Variants in ADAMTS19 observed in about 807,000 individuals in gnomAD.
ADAMTS19 encodes ADAM metallopeptidase with thrombospondin type 1 motif 19, also known as A disintegrin and metalloproteinase with thrombospondin motifs 19.
Under a neutral mutation model 153.3 loss-of-function variants are expected in ADAMTS19, and 93 were observed. The ratio of observed to expected loss-of-function variants is 0.61; its 90% CI spans 0.51 to 0.72. The LOEUF is 0.72. Among genes scored for constraint, ADAMTS19 ranks in the 30% least tolerant of loss-of-function variants. ADAMTS19 has a pLI of 0.00. For synonymous variants in ADAMTS19, 600 were observed against 556.6 expected (o/e 1.08, Z -1.10); for missense variants, 1,482 against 1,552.1 (o/e 0.95, Z 0.76).
At chr5:129,503,955 G>A (rs773743996) in intron 2 of ADAMTS19, among the ~76,000 whole-genome samples, 3 of 152,190 alleles carry the variant, frequency 2.0e-5, no homozygotes, top group African/African-American at 7.2e-5. Flanking sequence ...GTTTACAACC[G>A]AAACACTTCT....
intron 15 of ADAMTS19, among the ~76,000 whole-genome samples, chr5:129,661,036 TG>T (rs1206238123): frequency 6.6e-6 from 1 of 152,204 alleles, no homozygotes; most frequent in African/African-American, 2.4e-5. Flanking sequence ...TTGGCTTTGA[TG>T]GATAAATTCC....
At chr5:129,604,782 T>C (rs1750814512) in intron 8 of ADAMTS19, among the ~76,000 whole-genome samples, 1 of 152,204 alleles carries the variant, frequency 6.6e-6, no homozygotes, top group Non-Finnish European at 1.5e-5. Context: ...GGTAAATTCT[T>C]ATAAAAACAA....
At chr5:129,490,193 C>T (rs1750721911) in intron 2 of ADAMTS19, among the ~76,000 whole-genome samples, 1 of 152,144 alleles carries the variant, frequency 6.6e-6, no homozygotes, top group Non-Finnish European at 1.5e-5. Context: ...GTTCTCCTCC[C>T]AAAATTCTTT....
chr5:129,601,234 G>T (rs1750635838), intron 8 of ADAMTS19, among the ~76,000 whole-genome samples: 1 of 152,124 alleles, frequency 6.6e-6, no homozygotes, highest in South Asian at 2.1e-4. Flanking sequence ...TGGTAGTGCT[G>T]AATTAACACA....
At chr5:129,534,343 C>T (rs542054891) in intron 6 of ADAMTS19, among the ~76,000 whole-genome samples, 4 of 152,096 alleles carry the variant, frequency 2.6e-5, no homozygotes, top group Non-Finnish European at 4.4e-5. Flanking sequence ...ATAAATTCCT[C>T]GACGCATACA....
intron 2 of ADAMTS19, among the ~76,000 whole-genome samples, chr5:129,498,265 T>C (rs182707238): frequency 2.6e-5 from 4 of 152,192 alleles, no homozygotes; most frequent in Non-Finnish European, 5.9e-5. Context: ...TTTAAATTAA[T>C]CTAAGTCATA....
intron 22 of ADAMTS19, among the ~76,000 whole-genome samples, chr5:129,735,948 T>G (rs1248725883): frequency 1.3e-5 from 2 of 152,016 alleles, no homozygotes; most frequent in African/African-American, 2.4e-5. Flanking sequence ...AAAATAATAT[T>G]ACCAAAATGT....
In ADAMTS19 at chr5:129,465,067, T is replaced by C. The variant is rs1410311588; in HGVS notation, c.747+3310T>C. On this transcript the variant is annotated intron_variant, in intron 2 of 22. Transcript: ENST00000274487. ...AACAGGGAAATACAATAGGTTGAGATACGTGAAAATACACTTATACCATGA... is the reference window on the plus strand; with the variant it reads ...AACAGGGAAATACAATAGGTTGAGACACGTGAAAATACACTTATACCATGA... 2.0e-5 allele frequency among the ~76,000 whole-genome samples: 3 copies of C among 152,200 alleles called. No homozygotes were observed. In the East Asian group the frequency reaches 5.8e-4, roughly 29 times the overall value.
chr5:129,636,088 G>A (rs1752521482), intron 10 of ADAMTS19, among the ~76,000 whole-genome samples: 1 of 152,082 alleles, frequency 6.6e-6, no homozygotes, highest in Non-Finnish European at 1.5e-5. Context: ...GTAGAGACAA[G>A]GTATTACCGT....
intron 10 of ADAMTS19, among the ~76,000 whole-genome samples, chr5:129,631,162 T>G (rs974018247): frequency 0.088 from 8,427 of 95,796 alleles, 317 homozygotes; most frequent in Middle Eastern, 0.23. Flanking sequence ...AATTTTAGGT[T>G]TTTTTTTTTT....
intron 6 of ADAMTS19, among the ~76,000 whole-genome samples, chr5:129,536,234 A>G (rs1561557452): frequency 1.3e-5 from 2 of 152,214 alleles, no homozygotes; most frequent in Non-Finnish European, 2.9e-5. Flanking sequence ...AAACAACCCC[A>G]TCAAAAAGTG....
chr5:129,473,778 G>C (rs1469680653), intron 2 of ADAMTS19, among the ~76,000 whole-genome samples: 4 of 151,974 alleles, frequency 2.6e-5, no homozygotes, highest in Non-Finnish European at 5.9e-5. Flanking sequence ...AATTTTTCCA[G>C]GTGCACCCTA....
chr5:129,582,950 T>C (rs1749596493), intron 7 of ADAMTS19, among the ~76,000 whole-genome samples: 1 of 152,166 alleles, frequency 6.6e-6, no homozygotes, highest in South Asian at 2.1e-4. Context: ...GATCCTATCA[T>C]TATGATGCTA....
intron 7 of ADAMTS19, among the ~76,000 whole-genome samples, chr5:129,592,303 C>T (rs758567919): frequency 7.0e-6 from 1 of 142,538 alleles, no homozygotes. Context: ...TCGCTGAAAC[C>T]GGGAGGCGGA....
intron 13 of ADAMTS19, 42 bp from the exon 14 acceptor site, chr5:129,654,264 G>A: frequency 6.5e-7 from 1 of 1,535,866 alleles, no homozygotes; most frequent in Non-Finnish European, 8.7e-7. Context: ...AATATTTATG[G>A]GGTAACTTTT....
intron 6 of ADAMTS19, among the ~76,000 whole-genome samples, chr5:129,551,171 A>G (rs1446813246): frequency 6.6e-6 from 1 of 151,690 alleles, no homozygotes; most frequent in Non-Finnish European, 1.5e-5. Flanking sequence ...AGTAAGAGGT[A>G]GATTAAAAGT....
chr5:129,574,911 ACC>A (rs1754047855), intron 7 of ADAMTS19, among the ~76,000 whole-genome samples: 1 of 151,924 alleles, frequency 6.6e-6, no homozygotes, highest in African/African-American at 2.4e-5. Context: ...CAATGTACAA[ACC>A]TAAAAACTGA....
At chr5:129,465,043 A>G (rs1255673500) in intron 2 of ADAMTS19, among the ~76,000 whole-genome samples, 1 of 152,122 alleles carries the variant, frequency 6.6e-6, no homozygotes, top group Non-Finnish European at 1.5e-5. Flanking sequence ...ACCAATGAAA[A>G]CAGGGAAATA....
At chr5:129,593,704 A>C (rs535321986) in intron 7 of ADAMTS19, among the ~76,000 whole-genome samples, 1 of 152,286 alleles carries the variant, frequency 6.6e-6, no homozygotes, top group Admixed American at 6.5e-5. Flanking sequence ...CAAAACGTCA[A>C]CCTAAATTGA....
Sources: gnomAD v4.1 joint callset for allele counts (sites outside exome capture counted in the v4.1 genomes callset) on GRCh38, gnomAD v4.1.1 for gene constraint, MANE v1.5 for transcripts, NCBI Gene and HGNC (gene_info 2026-07-23, HGNC 2026-07-21) for gene names.